Variants in KIF9 observed in about 807,000 individuals in gnomAD.
KIF9 encodes the protein kinesin family member 9.
KIF9 carries 68 observed loss-of-function variants against 94.8 expected under a neutral mutation model. That is an observed-to-expected ratio of 0.72 (90% CI 0.59 to 0.88). The LOEUF is 0.88. Ranked by LOEUF, KIF9 falls within the 40% of genes least tolerant of loss-of-function variation. The probability of loss-of-function intolerance (pLI) is 0.00; values close to 1 mark genes in which losing one functional copy is unlikely to be tolerated. For synonymous variants in KIF9, 343 were observed against 362.1 expected, an observed-to-expected ratio of 0.95 and a Z score of 0.60; for missense variants, 882 against 982.5, an observed-to-expected ratio of 0.90 and a Z score of 1.37.
intron 2 of KIF9, chr3:47,277,016 A>C (rs1348191319): frequency 3.6e-6 from 1 of 281,570 alleles, no homozygotes; most frequent in Non-Finnish European, 6.6e-6. Context: ...ACAAATGTCA[A>C]TTCTTCTGTG....
chr3:47,268,122 C>T (rs1021619652), intron 5 of KIF9, among the ~76,000 whole-genome samples: 34 of 152,016 alleles, frequency 2.2e-4, no homozygotes, highest in Admixed American at 5.2e-4. Flanking sequence ...CTGCCCGCCT[C>T]GGCCTGCTAC....
chr3:47,236,808 G>A (rs1453897352), intron 17 of KIF9, among the ~76,000 whole-genome samples, 189 bp from the exon 18 acceptor site: 2 of 152,214 alleles, frequency 1.3e-5, no homozygotes, highest in Non-Finnish European at 2.9e-5. Context: ...ATCTCACAGG[G>A]AGGGGAGCTC....
chr3:47,278,891 G>C (rs989570134), intron 1 of KIF9, among the ~76,000 whole-genome samples: 3 of 152,178 alleles, frequency 2.0e-5, no homozygotes, highest in African/African-American at 7.2e-5. Flanking sequence ...AGAATCGCTT[G>C]AATCTGGGAC....
Position 47,240,993 on chromosome 3 carries a change from G to A in KIF9, c.1732C>T (p.Pro578Ser). The change falls in exon 17 of 21, where the codon CCA becomes TCA. Residue 578 changes from proline to serine, a missense_variant. Coordinates refer to ENST00000684063, the MANE Select transcript of KIF9 (RefSeq NM_182902.4). ...TTCTTAAACTCCTCAAAGGCCACTG[G>A]TTTGGAGGGTGGGGTGTCGGGCCTT... ...PIRPDTPPSK[P>S]VAFEEFKNEQ... is the part of the protein sequence containing the mutation. 6.2e-7 allele frequency: 1 copy of A among 1,614,144 alleles called. No individual in the cohort carries two copies. Among genetic ancestry groups the A allele is most frequent in the Non-Finnish European group, 8.5e-7 (1 of 1,180,028 alleles).
Position 47,236,448 on chromosome 3 carries a change from A to G in KIF9, c.2096T>C (p.Leu699Pro). The change falls in exon 18 of 21, where the codon CTC becomes CCC. Residue 699 changes from leucine to proline, a missense_variant. Physicochemically the swap from Leu to Pro is moderately conservative, Grantham distance 98 (BLOSUM62 -3). Coordinates refer to ENST00000684063, the MANE Select transcript of KIF9 (RefSeq NM_182902.4). ...AACCTTCCCAACTGTCGCACCCATG[A>G]GCAGGCGGTGGCGACACTGATCCAC... Reference protein sequence around the residue: ...HLVDQCRHRLLMEFDIWYNES... With the variant: ...HLVDQCRHRLPMEFDIWYNES... The G allele has an allele frequency of 6.2e-7, 1 of 1,612,946 alleles. No individual in the cohort carries two copies. Among genetic ancestry groups the G allele is most frequent in the Non-Finnish European group, 8.5e-7 (1 of 1,180,020 alleles).
intron 17 of KIF9, among the ~76,000 whole-genome samples, chr3:47,238,915 G>C (rs1052333487): frequency 1.3e-5 from 2 of 151,770 alleles, no homozygotes; most frequent in Non-Finnish European, 2.9e-5. Flanking sequence ...TGCCCGCCTC[G>C]GCCTCCCAAA....
At chr3:47,271,659 C>T (rs1298474380) in intron 4 of KIF9, among the ~76,000 whole-genome samples, 198 bp from the exon 5 acceptor site, 2 of 152,146 alleles carry the variant, frequency 1.3e-5, no homozygotes, top group Admixed American at 6.5e-5. Context: ...AACCATCTCA[C>T]GAAGTAGAGG....
chr3:47,247,536 T>C, intron 11 of KIF9, 59 bp from the exon 12 acceptor site: 2 of 1,331,358 alleles, frequency 1.5e-6, no homozygotes, highest in South Asian at 2.4e-5. Flanking sequence ...CACAGGGGAG[T>C]GGCAGGGGCC....
At chr3:47,256,805 T>C in intron 10 of KIF9, among the ~76,000 whole-genome samples, 1 of 151,564 alleles carries the variant, frequency 6.6e-6, no homozygotes. Context: ...CTAAGAAAAG[T>C]TCTTCTGCCT....
intron 9 of KIF9, among the ~76,000 whole-genome samples, chr3:47,261,380 G>A (rs1700963710): frequency 6.6e-6 from 1 of 152,186 alleles, no homozygotes; most frequent in Non-Finnish European, 1.5e-5. Flanking sequence ...AATTATGGCT[G>A]GAGGCCTATG....
chr3:47,278,529 TA>T (rs202160544), intron 1 of KIF9, among the ~76,000 whole-genome samples: 1 of 151,404 alleles, frequency 6.6e-6, no homozygotes. Context: ...GGCTTGGCTT[TA>T]AAAAAAAACT....
chr3:47,266,897 T>C (rs1332446175), intron 7 of KIF9, 79 bp downstream of exon 7: 24 of 1,026,728 alleles, frequency 2.3e-5, no homozygotes, highest in Non-Finnish European at 3.2e-5. Flanking sequence ...CAATGAGTCA[T>C]GGCCCAGATG....
chr3:47,236,075 T>C lies in KIF9; in HGVS notation c.2176A>G (p.Ile726Val). The part of the protein sequence containing the change: ...MQMALKPGGS[I>V]RPGMVPVNRI... ...TTCACAGGGACCATGCCTGGCCGGA[T>C]GCTGCCGCCTGGCTTCAGTGCCATC... Residue 726 changes from isoleucine to valine, a missense_variant, in exon 19 of 21, where the codon ATC becomes GTC. By Grantham distance (29) the Ile-to-Val change is conservative. Coordinates refer to ENST00000684063, the MANE Select transcript of KIF9 (RefSeq NM_182902.4). 6.2e-7 allele frequency: 1 copy of C among 1,614,198 alleles called. No homozygotes were observed. The highest frequency in any genetic ancestry group is 8.5e-7 in the Non-Finnish European group (1 of 1,180,026).
intron 10 of KIF9, among the ~76,000 whole-genome samples, chr3:47,253,330 A>AT (rs1700384311): frequency 6.6e-6 from 1 of 151,640 alleles, no homozygotes; most frequent in African/African-American, 2.4e-5. Context: ...TAATTTTTAC[A>AT]TTTTTTAGTA....
chr3:47,231,498 C>T (rs537167916), intron 20 of KIF9, among the ~76,000 whole-genome samples: 81 of 150,204 alleles, frequency 5.4e-4, no homozygotes, highest in African/African-American at 1.8e-3. Flanking sequence ...GCAACCTCCA[C>T]CTCCCTGGTT....
At position 47,228,397 on chromosome 3, in the gene KIF9, A is replaced by C. The variant is rs574388022; in HGVS notation, c.*255T>G. 5 of 475,976 alleles carry C rather than the reference A, an allele frequency of 1.1e-5. No individual in the cohort carries two copies. Among genetic ancestry groups the C allele is most frequent in the Middle Eastern group, 1.2e-3 (2 of 1,736 alleles). 29.5% of individuals were successfully genotyped at this position (475,976 alleles called of 1,614,324 possible). On this transcript the variant is annotated 3_prime_UTR_variant, in exon 21 of 21. Transcript: ENST00000684063. ...AGACAAAGTTCTCAGATGAGCACTG[A>C]AAGTCCAAACTAGAAAGTTATTTTA...
rs200213936 is a variant in KIF9 at position 47,246,210 on chromosome 3, G to A, written c.1276C>T (p.Arg426Trp). ...GGGGTCTCTCACCTCAGAACCACCC[G>A]GAACTGGTTGAACACCTCCTTGATC... ...RQIKEVFNQF[R>W]VVLSQQEQEV... The change falls in exon 13 of 21, where the codon CGG becomes TGG. Residue 426 changes from arginine to tryptophan, a missense_variant. Coordinates refer to ENST00000684063, the MANE Select transcript of KIF9 (RefSeq NM_182902.4). 1.3e-4 allele frequency: 204 copies of A among 1,613,688 alleles called. No individual in the cohort carries two copies. The highest frequency in any genetic ancestry group is 1.4e-4 in the Non-Finnish European group (171 of 1,179,758).
intron 3 of KIF9, among the ~76,000 whole-genome samples, chr3:47,274,984 C>G (rs1466513513): frequency 6.6e-6 from 1 of 152,172 alleles, no homozygotes; most frequent in African/African-American, 2.4e-5. Flanking sequence ...TAGCTCCTAG[C>G]AGGAAGCTGA....
intron 2 of KIF9, among the ~76,000 whole-genome samples, chr3:47,276,168 G>A (rs1336162982): frequency 6.6e-6 from 1 of 152,150 alleles, no homozygotes; most frequent in Non-Finnish European, 1.5e-5. Flanking sequence ...TTCTTGATGA[G>A]AACTTCTGAT....
Sources: allele counts gnomAD v4.1 joint callset (sites outside exome capture counted in the v4.1 genomes callset), GRCh38; gene constraint gnomAD v4.1.1; transcripts MANE v1.5; gene names NCBI Gene and HGNC (gene_info 2026-07-23, HGNC 2026-07-21).